The following ZNF354C variants were observed in gnomAD, a reference collection of about 807,000 sequenced individuals.
The protein encoded by ZNF354C is KRAB-zinc finger protein synten.
Under a neutral mutation model 12.4 loss-of-function variants are expected in ZNF354C, and 7 were observed. That is an observed-to-expected ratio of 0.56 (90% CI 0.32 to 1.06). The LOEUF (loss-of-function observed/expected upper bound fraction) is 1.06. ZNF354C is among the 50% of genes least tolerant of loss of function. The probability of loss-of-function intolerance (pLI) is 0.04; values close to 1 mark genes in which losing one functional copy is unlikely to be tolerated. For synonymous variants in ZNF354C, 202 were observed against 224.5 expected (o/e 0.90, Z 0.90); for missense variants, 609 against 658.0 (o/e 0.93, Z 0.81).
At chr5:179,071,283 G>A (rs1045913688) in intron 2 of ZNF354C, among the ~76,000 whole-genome samples, 2 of 151,730 alleles carry the variant, frequency 1.3e-5, no homozygotes, top group African/African-American at 4.8e-5. Context: ...TGGATGAGAT[G>A]ATTGATAAGA....
rs1561751249 is a variant in ZNF354C at position 179,077,182 on chromosome 5, G to A, written c.250+16G>A. The A allele has an allele frequency of 6.2e-7, 1 of 1,605,746 alleles. No homozygotes were observed. The highest frequency in any genetic ancestry group is 1.3e-5 in the African/African-American group (1 of 74,882). On this transcript the variant is annotated intron_variant, in intron 4 of 4. Transcript: ENST00000315475. ...ACCCGTCTAGGTAAGTGAGAGGCTG[G>A]GAAATGGGCACAAGGGGTTCTTTAT...
rs1188407518 is a variant in ZNF354C, at chr5:179,060,644, C to T, written c.-77C>T. 2.6e-5 allele frequency: 4 copies of T among 152,368 alleles called. No homozygotes were observed. In the East Asian group the frequency reaches 7.7e-4, roughly 29 times the overall value. 9.4% of individuals were successfully genotyped at this position (152,368 alleles called of 1,614,324 possible). On this transcript the variant is annotated 5_prime_UTR_variant, in exon 1 of 5. Transcript: ENST00000315475. This position sits in a 1 kb window ranked among gnomAD's most constrained non-coding sequence, Gnocchi z 4.2. ...CGAGCGGCCTGGACTGCCGGAGACC[C>T]GCGGGAGGGAGCGCCTCGCCAGGTG...
chr5:179,080,115 C>T lies in ZNF354C; in HGVS notation c.*18C>T. ...AGGTTTAGTTCATCTCTCAAATAATCCAAGACTTCTCACTGGGGAATAAGG... is the reference window on the plus strand; with the variant it reads ...AGGTTTAGTTCATCTCTCAAATAATTCAAGACTTCTCACTGGGGAATAAGG... On this transcript the variant is annotated 3_prime_UTR_variant, in exon 5 of 5. Coordinates refer to ENST00000315475, the MANE Select transcript of ZNF354C (RefSeq NM_014594.3). The T allele has an allele frequency of 1.3e-6, 2 of 1,499,704 alleles. No individual in the cohort carries two copies. The highest frequency in any genetic ancestry group is 2.7e-5 in the South Asian group (2 of 74,804). 92.9% of individuals were successfully genotyped at this position (1,499,704 alleles called of 1,614,324 possible).
Position 179,081,707 on chromosome 5 carries a change from T to C in ZNF354C, c.*1610T>C, listed in dbSNP as rs561063550. ...TGGTGAGCATGCTTAGTACCCAAATTTTGGTTTCTAAATGCCATTCCCCAC... is the reference window on the plus strand; with the variant it reads ...TGGTGAGCATGCTTAGTACCCAAATCTTGGTTTCTAAATGCCATTCCCCAC... On this transcript the variant is annotated 3_prime_UTR_variant, in exon 5 of 5. Transcript: ENST00000315475. The C allele has an allele frequency of 6.6e-6, 1 of 152,256 alleles. No individual in the cohort carries two copies. The highest frequency in any genetic ancestry group is 1.5e-5 in the Non-Finnish European group (1 of 68,018). 9.4% of individuals were successfully genotyped at this position (152,256 alleles called of 1,614,324 possible).
chr5:179,067,001 T>C (rs1467838855), intron 2 of ZNF354C, among the ~76,000 whole-genome samples: 1 of 152,220 alleles, frequency 6.6e-6, no homozygotes, highest in African/African-American at 2.4e-5. Context: ...AATGATCAAG[T>C]AGAATTGTAT....
chr5:179,061,741 A>T (rs953371801), intron 1 of ZNF354C, among the ~76,000 whole-genome samples: 1 of 152,110 alleles, frequency 6.6e-6, no homozygotes, highest in South Asian at 2.1e-4. Context: ...GTGCAGTTCA[A>T]AGCTAGCGAA....
chr5:179,074,403 C>G (rs1337242190), intron 2 of ZNF354C, among the ~76,000 whole-genome samples: 2 of 151,956 alleles, frequency 1.3e-5, no homozygotes, highest in African/African-American at 4.8e-5. Context: ...GCTGGGATTA[C>G]AGGCGTGAGC....
chr5:179,076,373 T>C, intron 2 of ZNF354C, 72 bp from the exon 3 acceptor site: 1 of 1,602,494 alleles, frequency 6.2e-7, no homozygotes, highest in Non-Finnish European at 8.5e-7. Context: ...TACATCCCAC[T>C]GTCACTTTCT....
At chr5:179,070,007 G>C (rs1762027451) in intron 2 of ZNF354C, among the ~76,000 whole-genome samples, 1 of 152,138 alleles carries the variant, frequency 6.6e-6, no homozygotes, top group South Asian at 2.1e-4. Flanking sequence ...AGAGAACAAA[G>C]GTCTCCAACC....
At position 179,083,174 on chromosome 5, in the gene ZNF354C, A is replaced by C. The variant is rs1382735685; in HGVS notation, c.*3077A>C. On this transcript the variant is annotated 3_prime_UTR_variant, in exon 5 of 5. Coordinates refer to ENST00000315475, the MANE Select transcript of ZNF354C (RefSeq NM_014594.3). ...TAAGACAAGAGACATAACCAAATGGAAAGTGTGATCCTTTATTAGCTTCTG... is the reference window on the plus strand; with the variant it reads ...TAAGACAAGAGACATAACCAAATGGCAAGTGTGATCCTTTATTAGCTTCTG... 4 of 401,712 alleles carry C rather than the reference A, an allele frequency of 1.0e-5. No individual in the cohort carries two copies. The highest frequency in any genetic ancestry group is 1.4e-5 in the Non-Finnish European group (3 of 219,554). The allele number at this position is 401,712 out of a possible 1,614,324, so 24.9% of individuals were successfully genotyped here.
In ZNF354C at chr5:179,080,047, C is replaced by G. The variant is rs116562180; in HGVS notation, c.1615C>G (p.Leu539Val). 87,028 of 1,601,462 alleles carry G rather than the reference C, an allele frequency of 0.054. 2,987 individuals carry two copies. Among genetic ancestry groups the G allele is most frequent in the Middle Eastern group, 0.13 (799 of 5,972 alleles). The stretch of plus-strand genomic sequence containing the variant: ...GAAACCTTTCATCTGCAGCTCCTCA[C>G]TTACCCAGTATCAGAGATTTTTTAA... Reference protein sequence around the residue: ...YGKPFICSSSLTQYQRFFKGD... With the variant: ...YGKPFICSSSVTQYQRFFKGD... Residue 539 changes from leucine to valine, a missense_variant, in exon 5 of 5, where the codon CTT becomes GTT. Transcript: ENST00000315475.
chr5:179,065,703 C>T (rs1761950211), intron 2 of ZNF354C, among the ~76,000 whole-genome samples: 1 of 152,138 alleles, frequency 6.6e-6, no homozygotes, highest in African/African-American at 2.4e-5. Flanking sequence ...GCAGGAGCCC[C>T]CATGCCCGGC....
chr5:179,072,909 C>T (rs1217641580), intron 2 of ZNF354C, among the ~76,000 whole-genome samples: 1 of 151,986 alleles, frequency 6.6e-6, no homozygotes, highest in African/African-American at 2.4e-5. Flanking sequence ...GTATTTTATA[C>T]AGATAACATA....
At chr5:179,069,686 A>G (rs1199846507) in intron 2 of ZNF354C, among the ~76,000 whole-genome samples, 2 of 151,590 alleles carry the variant, frequency 1.3e-5, no homozygotes, top group African/African-American at 4.8e-5. Context: ...TAACATGGCG[A>G]AACCCCGTCT....
rs758871860 is a variant in ZNF354C at position 179,078,874 on chromosome 5, G to T, written c.442G>T (p.Asp148Tyr). Reference sequence around the variant, plus strand: ...GAAGAAACCTCTTAGACAAATGATAGATTCGCATGAGAAAACCATCAGTGA... The same window carrying T: ...GAAGAAACCTCTTAGACAAATGATATATTCGCATGAGAAAACCATCAGTGA... ...QEKKPLRQMI[D>Y]SHEKTISEDG... Residue 148 changes from aspartate (D) to tyrosine (Y), a missense_variant, in exon 5 of 5, where the codon GAT becomes TAT. Transcript: ENST00000315475. 34 of 1,613,944 alleles carry T rather than the reference G, an allele frequency of 2.1e-5. No homozygotes were observed. Among genetic ancestry groups the T allele is most frequent in the Non-Finnish European group, 2.9e-5 (34 of 1,179,984 alleles).
At chr5:179,078,539 T>C (rs1476918081) in intron 4 of ZNF354C, 144 bp from the exon 5 acceptor site, 1 of 661,376 alleles carries the variant, frequency 1.5e-6, no homozygotes, top group Non-Finnish European at 2.5e-6. Flanking sequence ...TCCCATCCTG[T>C]TCTTCCCAAG....
chr5:179,079,496 C>G lies in ZNF354C; in HGVS notation c.1064C>G (p.Pro355Arg). ...RHQRIHTGEK[P>R]YKCSECGKGY... ...CAAAGAATCCATACAGGTGAGAAAC[C>G]CTATAAATGTAGTGAGTGTGGGAAG... Residue 355 changes from proline to arginine, a missense_variant, in exon 5 of 5, where the codon CCC (proline) becomes CGC (arginine). Coordinates refer to ENST00000315475, the MANE Select transcript of ZNF354C (RefSeq NM_014594.3). The surrounding 1 kb of genome is among the most constrained non-coding windows in gnomAD (Gnocchi z 4.2). 1 of 1,614,044 alleles carries G rather than the reference C, an allele frequency of 6.2e-7. No homozygotes were observed.
chr5:179,068,651 T>C (rs1761992417), intron 2 of ZNF354C, among the ~76,000 whole-genome samples: 1 of 151,912 alleles, frequency 6.6e-6, no homozygotes, highest in African/African-American at 2.4e-5. Flanking sequence ...CTGGAAGTAT[T>C]CTAAGGCCTA....
rs1218536786 is a variant in ZNF354C, at chr5:179,082,788, G to T, written c.*2691G>T. Reference sequence around the variant, plus strand: ...GCGAGGATCACTGGCATCATCCAGGGTGATGTTCTTCAAGCGACTGACCAA... The same window carrying T: ...GCGAGGATCACTGGCATCATCCAGGTTGATGTTCTTCAAGCGACTGACCAA... On this transcript the variant is annotated 3_prime_UTR_variant, in exon 5 of 5. Transcript: ENST00000315475. The T allele has an allele frequency of 1.5e-6, 2 of 1,351,478 alleles. No individual in the cohort carries two copies. The highest frequency in any genetic ancestry group is 1.4e-5 in the African/African-American group (1 of 69,420). The allele number at this position is 1,351,478 out of a possible 1,614,324, so 83.7% of individuals were successfully genotyped here.
Sources: allele counts gnomAD v4.1 joint callset (sites outside exome capture counted in the v4.1 genomes callset), GRCh38; gene constraint gnomAD v4.1.1; non-coding constraint Gnocchi (gnomAD v3.1); transcripts MANE v1.5; gene names NCBI Gene and HGNC (gene_info 2026-07-23, HGNC 2026-07-21).